The following ABCA2 variants were observed in gnomAD, a reference collection of about 807,000 sequenced individuals.
ABCA2 encodes the protein ATP binding cassette subfamily A member 2, also known as ATP-binding cassette sub-family A member 2.
Under a neutral mutation model 262.8 loss-of-function variants are expected in ABCA2, and 84 were observed. The ratio of observed to expected loss-of-function variants is 0.32; its 90% CI spans 0.27 to 0.38. ABCA2 has a LOEUF of 0.38. Ranked by LOEUF, ABCA2 falls within the 10% of genes least tolerant of loss-of-function variation. The pLI, the probability that ABCA2 is intolerant of heterozygous loss-of-function variation, is 1.00. For missense variants in ABCA2, 2,662 were observed against 3,405.9 expected (o/e 0.78, Z 5.44); for synonymous variants, 1,696 against 1,502.9 (o/e 1.13, Z -2.97).
Position 137,010,229 on chromosome 9 carries a change from C to A in ABCA2, c.6317G>T (p.Ser2106Ile). 6.2e-7 allele frequency: 1 copy of A among 1,605,004 alleles called. No individual in the cohort carries two copies. The part of the protein sequence containing the change: ...STFKMLTGDE[S>I]TTGGEAFVNG... The stretch of plus-strand genomic sequence containing the variant: ...GACGAAGGCCTCGCCCCCCGTCGTG[C>A]TCTCGTCGCCGGTCAGCATCTTGAA... Residue 2106 changes from serine to isoleucine, a missense_variant, in exon 41 of 49, where the codon AGC (serine) becomes ATC (isoleucine). Ser to Ile is a moderately radical substitution (Grantham distance 142, BLOSUM62 -2). Around this residue, in one of 12 missense-constraint regions of ABCA2, gnomAD observed 602 missense variants for 897.4 expected, o/e 0.67. Coordinates refer to ENST00000341511, the MANE Select transcript of ABCA2 (RefSeq NM_001606.5).
rs141024304 is a variant in ABCA2, at chr9:137,017,485, C to T, written c.2402+17G>A. The T allele has an allele frequency of 5.8e-4, 932 of 1,601,998 alleles. 7 individuals carry two copies. The Middle Eastern group carries it at 0.01, about 17-fold the overall frequency. The stretch of plus-strand genomic sequence containing the variant: ...AAGTGCCTGCCCCAGGTCCCTCCTA[C>T]CATGGCCCGCGCTCACCAGAACATG... On this transcript the variant is annotated intron_variant, in intron 17 of 48. Coordinates refer to ENST00000341511, the MANE Select transcript of ABCA2 (RefSeq NM_001606.5).
Position 137,015,433 on chromosome 9 carries a change from G to A in ABCA2, c.3678C>T (p.Ala1226=), listed in dbSNP as rs373638582. 6.5e-4 allele frequency: 1,016 copies of A among 1,565,350 alleles called. 12 individuals are homozygous for A. The South Asian group carries it at 0.011, about 16-fold the overall frequency. ...GYRLTLVKRP[A]EPGGPQEPGL... Reference sequence around the variant, plus strand: ...ACAGACCTTGGGGGCCCCCCGGCTCGGCGGGCCGCTTGACCAGCGTGAGGC... The same window carrying A: ...ACAGACCTTGGGGGCCCCCCGGCTCAGCGGGCCGCTTGACCAGCGTGAGGC... The change falls in exon 24 of 49, where the codon GCC becomes GCT. Residue 1226 remains alanine (A), a synonymous_variant. Coordinates refer to ENST00000341511, the MANE Select transcript of ABCA2 (RefSeq NM_001606.5).
intron 47 of ABCA2, 28 bp from the exon 48 acceptor site, chr9:137,008,650 GGGGGCTGGTCT>G: frequency 6.3e-7 from 1 of 1,585,728 alleles, no homozygotes; most frequent in Non-Finnish European, 8.6e-7. Flanking sequence ...CGTGTGGGGA[GGGGGCTGGTCT>G]GGGGTGAGGA....
intron 21 of ABCA2, 57 bp from the exon 22 acceptor site, chr9:137,016,231 C>T (rs1831255802): frequency 6.2e-7 from 1 of 1,610,228 alleles, no homozygotes; most frequent in African/African-American, 1.3e-5. Flanking sequence ...CCACCCTGCC[C>T]TGACTAGGAC....
At position 137,012,835 on chromosome 9, in the gene ABCA2, G is replaced by C; in HGVS notation, c.4958C>G (p.Pro1653Arg). 6.2e-7 allele frequency: 1 copy of C among 1,610,830 alleles called. No homozygotes were observed. The highest frequency in any genetic ancestry group is 8.5e-7 in the Non-Finnish European group (1 of 1,179,126). The change falls in exon 31 of 49, where the codon CCC (proline) becomes CGC (arginine). Residue 1653 changes from proline to arginine, a missense_variant. Physicochemically the swap from Pro to Arg is moderately radical, Grantham distance 103. Coordinates refer to ENST00000341511, the MANE Select transcript of ABCA2 (RefSeq NM_001606.5). ...CSAQGTGFSC[P>R]SSVGGHPPQM... ...GGGCGGGTGCCCGCCCACACTGCTG[G>C]GGCAGGAGAAGCCGGTGCCCTGCGC...
At chr9:137,008,097 C>G (rs1045789892) in intron 48 of ABCA2, 133 bp from the exon 49 acceptor site, 32 of 1,178,602 alleles carry the variant, frequency 2.7e-5, no homozygotes, top group Non-Finnish European at 3.7e-5. Flanking sequence ...CGAGCTCCCT[C>G]TGTGTCTGGG....
Position 137,011,391 on chromosome 9 carries a change from G to A in ABCA2, c.5799+16C>T. The A allele has an allele frequency of 1.9e-6, 3 of 1,608,984 alleles. No homozygotes were observed. Among genetic ancestry groups the A allele is most frequent in the Non-Finnish European group, 2.5e-6 (3 of 1,178,100 alleles). On this transcript the variant is annotated intron_variant, in intron 37 of 48. Transcript: ENST00000341511. This position sits in a 1 kb window ranked among gnomAD's most constrained non-coding sequence, Gnocchi z 8.8. ...CCGCAGGGTCCGCCACCCCCACCAT[G>A]TCGTCACCGCCCCACCTTGTCGTGC...
At chr9:137,027,972 G>A (rs1831713151) in intron 1 of ABCA2, 103 bp downstream of exon 1, 2 of 561,148 alleles carry the variant, frequency 3.6e-6, no homozygotes, top group African/African-American at 2.1e-5. Flanking sequence ...CGCCCGCCGG[G>A]GTCTGCGCGC....
At position 137,011,332 on chromosome 9, in the gene ABCA2, G is replaced by A. The variant is rs1349054244; in HGVS notation, c.5800-23C>T. ...GTCCTGCGGGGTGGCCGGGGTCAGGGGCACAGGGGTGGCCGGGGTGAGGGG... is the reference window on the plus strand; with the variant it reads ...GTCCTGCGGGGTGGCCGGGGTCAGGAGCACAGGGGTGGCCGGGGTGAGGGG... On this transcript the variant is annotated intron_variant, in intron 37 of 48. Transcript: ENST00000341511. This position sits in a 1 kb window ranked among gnomAD's most constrained non-coding sequence, Gnocchi z 8.8. 3 of 1,605,634 alleles carry A rather than the reference G, an allele frequency of 1.9e-6. No homozygotes were observed. The highest frequency in any genetic ancestry group is 4.5e-5 in the East Asian group (2 of 44,704).
chr9:137,010,614 G>T lies in ABCA2; in HGVS notation c.6174+6C>A, dbSNP rs909479917. On this transcript the variant is annotated splice_donor_region_variant and intron_variant, in intron 40 of 48. Coordinates refer to ENST00000341511, the MANE Select transcript of ABCA2 (RefSeq NM_001606.5). The stretch of plus-strand genomic sequence containing the variant: ...CCAGGCCCCACCCTACATGCCCAGA[G>T]CCCACCTTGGTCAGGTTCTCAATCT... 7.3e-6 allele frequency: 9 copies of T among 1,237,646 alleles called. No individual in the cohort carries two copies. The highest frequency in any genetic ancestry group is 9.2e-6 in the Non-Finnish European group (8 of 868,784). The allele number at this position is 1,237,646 out of a possible 1,614,324, so 76.7% of individuals were successfully genotyped here. A position where few individuals can be genotyped will look rare whatever the true frequency, so the allele number is the denominator to read the frequency against.
chr9:137,010,880 C>CCA, intron 39 of ABCA2, 93 bp downstream of exon 39: 2 of 781,534 alleles, frequency 2.6e-6, no homozygotes, highest in Non-Finnish European at 4.1e-6. Flanking sequence ...CCTCCTGCCC[C>CCA]ATCCCTGCCC....
At chr9:137,020,062 C>G in intron 10 of ABCA2, 1 of 489,624 alleles carries the variant, frequency 2.0e-6, no homozygotes, top group African/African-American at 2.0e-5. Context: ...GGACACACCC[C>G]TCCTCCACCA....
chr9:137,012,626 CA>C (rs1385394109), intron 31 of ABCA2, 36 bp from the exon 32 acceptor site: 24 of 1,610,056 alleles, frequency 1.5e-5, no homozygotes, highest in Non-Finnish European at 2.0e-5. Context: ...TGAGGCTAGG[CA>C]GGCAGTGAGG....
chr9:137,014,502 A>T, intron 26 of ABCA2, 98 bp from the exon 27 acceptor site: 1 of 1,461,226 alleles, frequency 6.8e-7, no homozygotes, highest in South Asian at 1.3e-5. Context: ...TCCCAGGCTC[A>T]TACACCTGTC....
At chr9:137,010,805 C>A in intron 39 of ABCA2, 68 bp from the exon 40 acceptor site, 1 of 1,521,320 alleles carries the variant, frequency 6.6e-7, no homozygotes, top group South Asian at 1.2e-5. Context: ...CCACCAGCCT[C>A]GCATCCTCTG....
In ABCA2 at chr9:137,011,910, C is replaced by T. The variant is rs1379458595; in HGVS notation, c.5469G>A (p.Lys1823=). ...TGCAGCCGCTGACAAACTGCAGGTG[C>T]TTGGCCTTGGTGGACTTCTCGGCCA... The part of the protein sequence containing the change: ...FLVAEKSTKA[K]HLQFVSGCNP... The change falls in exon 35 of 49, where the codon AAG becomes AAA. Residue 1823 remains lysine, a synonymous_variant. Coordinates refer to ENST00000341511, the MANE Select transcript of ABCA2 (RefSeq NM_001606.5). The surrounding 1 kb of genome is among the most constrained non-coding windows in gnomAD (Gnocchi z 8.8). 4 of 1,612,472 alleles carry T rather than the reference C, an allele frequency of 2.5e-6. No individual in the cohort carries two copies. The Admixed American group carries it at 5.0e-5, about 20-fold the overall frequency.
At chr9:137,013,750 G>A in intron 28 of ABCA2, 82 bp downstream of exon 28, 2 of 1,473,698 alleles carry the variant, frequency 1.4e-6, no homozygotes, top group Non-Finnish European at 1.8e-6. Flanking sequence ...GAGTCAGGAA[G>A]CTCAGGAGTG....
chr9:137,015,933 C>CAGG, intron 22 of ABCA2, 29 bp downstream of exon 22: 2 of 1,500,274 alleles, frequency 1.3e-6, no homozygotes, highest in Non-Finnish European at 1.8e-6. Context: ...CTCCGCCCAC[C>CAGG]TGCCCCGCCC....
Position 137,016,594 on chromosome 9 carries a change from G to A in ABCA2, c.2903C>T (p.Ala968Val). 6.2e-7 allele frequency: 1 copy of A among 1,612,178 alleles called. No homozygotes were observed. The highest frequency in any genetic ancestry group is 8.5e-7 in the Non-Finnish European group (1 of 1,179,930). ...CTCACCAAAGCGCCGGCTCTCCATG[G>A]CACAGGCCTGGTCCTCCTCCATGAC... is the stretch of plus-strand genomic sequence containing the variant. ...LSVMEEDQAC[A>V]MESRRFEETR... The change falls in exon 20 of 49, where the codon GCC becomes GTC. Residue 968 changes from alanine to valine, a missense_variant. Transcript: ENST00000341511.
Sources: gnomAD v4.1 joint callset for allele counts on GRCh38, gnomAD v4.1.1 for gene constraint, gnomAD v4.1.1 regional missense constraint, Gnocchi (gnomAD v3.1) non-coding constraint, MANE v1.5 for transcripts, NCBI Gene and HGNC (gene_info 2026-07-23, HGNC 2026-07-21) for gene names.